ABAT: variants seen among roughly 807,000 people sequenced by gnomAD.
ABAT encodes the protein 4-aminobutyrate aminotransferase, mitochondrial.
Under a neutral mutation model 64.6 loss-of-function variants are expected in ABAT, and 45 were observed. That is an observed-to-expected ratio of 0.70 (90% CI 0.55 to 0.89). The LOEUF is 0.89. Among genes scored for constraint, ABAT ranks in the 40% least tolerant of loss-of-function variants. ABAT has a pLI of 0.00. For missense variants in ABAT, 633 were observed against 658.4 expected, an observed-to-expected ratio of 0.96 and a Z score of 0.42; for synonymous variants, 297 against 250.5, an observed-to-expected ratio of 1.19 and a Z score of -1.75.
At chr16:8,753,514 G>C (rs1000530669) in intron 5 of ABAT, among the ~76,000 whole-genome samples, 1 of 152,226 alleles carries the variant, frequency 6.6e-6, no homozygotes, top group East Asian at 1.9e-4. Context: ...AGAGGGACCA[G>C]CTCCGCTTTC....
chr16:8,674,771 T>G (rs1289521688), intron 1 of ABAT, 60 bp downstream of exon 1: 1 of 151,904 alleles, frequency 6.6e-6, no homozygotes, highest in Non-Finnish European at 1.5e-5. Context: ...CGAGAGGAGG[T>G]CCTTCTGCCC....
intron 1 of ABAT, among the ~76,000 whole-genome samples, chr16:8,733,615 C>T (rs931348906): frequency 6.6e-6 from 1 of 151,926 alleles, no homozygotes; most frequent in Non-Finnish European, 1.5e-5. Context: ...GGATCACTTG[C>T]GGTTAGGGGC....
At chr16:8,743,127 T>C (rs2059213939) in intron 2 of ABAT, among the ~76,000 whole-genome samples, 1 of 151,624 alleles carries the variant, frequency 6.6e-6, no homozygotes, top group African/African-American at 2.4e-5. Flanking sequence ...GCTGTTTTTC[T>C]TCATCCTTAT....
chr16:8,740,110 C>T (rs1207177426), intron 2 of ABAT, among the ~76,000 whole-genome samples: 1 of 152,022 alleles, frequency 6.6e-6, no homozygotes, highest in Non-Finnish European at 1.5e-5. Context: ...AAGGAAACTT[C>T]AAGTCAGGGA....
intron 6 of ABAT, among the ~76,000 whole-genome samples, chr16:8,758,276 G>C (rs976123563): frequency 6.6e-6 from 1 of 152,196 alleles, no homozygotes; most frequent in Admixed American, 6.5e-5. Flanking sequence ...GAGGCGCTGA[G>C]AATAAACCCA....
At chr16:8,709,476 C>T (rs1467644442) in intron 1 of ABAT, among the ~76,000 whole-genome samples, 2 of 152,068 alleles carry the variant, frequency 1.3e-5, no homozygotes, top group African/African-American at 4.8e-5. Flanking sequence ...TGGGTTCAAG[C>T]GATTCTCCTG....
rs1182195687 is a variant in ABAT, at chr16:8,783,320, A to C, written c.*1890A>C. The C allele has an allele frequency of 1.3e-5, 2 of 152,102 alleles. No homozygotes were observed. The highest frequency in any genetic ancestry group is 2.9e-5 in the Non-Finnish European group (2 of 68,034). 9.4% of individuals were successfully genotyped at this position (152,102 alleles called of 1,614,324 possible). ...CGGGGGCTCACATGCCACTGGAAAC[A>C]ACAGACTCTTAAACTAACAATTCAA... On this transcript the variant is annotated 3_prime_UTR_variant, in exon 16 of 16. Transcript: ENST00000268251.
chr16:8,719,846 C>G (rs1184363525), intron 1 of ABAT, among the ~76,000 whole-genome samples: 1 of 152,226 alleles, frequency 6.6e-6, no homozygotes, highest in Non-Finnish European at 1.5e-5. Context: ...GAGTTTCACT[C>G]TTGTCGCCAG....
intron 2 of ABAT, among the ~76,000 whole-genome samples, chr16:8,744,564 C>T (rs557943943): frequency 4.6e-5 from 7 of 152,044 alleles, no homozygotes; most frequent in South Asian, 2.1e-4. Context: ...GACGGGATTT[C>T]GCCATGTTGG....
At chr16:8,693,413 G>A (rs780235213) in intron 1 of ABAT, among the ~76,000 whole-genome samples, 2 of 152,122 alleles carry the variant, frequency 1.3e-5, no homozygotes, top group Non-Finnish European at 2.9e-5. Flanking sequence ...TATTAGTGGA[G>A]CCATGCATTT....
chr16:8,717,901 C>G (rs2058257789), intron 1 of ABAT, among the ~76,000 whole-genome samples: 1 of 151,974 alleles, frequency 6.6e-6, no homozygotes, highest in South Asian at 2.1e-4. Flanking sequence ...GCGATCCTCT[C>G]ACCTTGGCCT....
chr16:8,735,103 G>C (rs1332111423), intron 1 of ABAT, among the ~76,000 whole-genome samples: 1 of 150,740 alleles, frequency 6.6e-6, no homozygotes, highest in African/African-American at 2.5e-5. Flanking sequence ...CTACTCAGGA[G>C]GCTGAGGTTG....
intron 5 of ABAT, chr16:8,757,329 G>C: frequency 2.8e-6 from 1 of 359,822 alleles, no homozygotes; most frequent in South Asian, 2.2e-5. Flanking sequence ...TACCTCGCCC[G>C]GCTAATTTTT....
chr16:8,682,717 CTG>C (rs1432222808), intron 1 of ABAT, among the ~76,000 whole-genome samples: 2 of 152,210 alleles, frequency 1.3e-5, no homozygotes, highest in Non-Finnish European at 2.9e-5. Context: ...TGCCAGCACT[CTG>C]TCCCTGGGCT....
In ABAT at chr16:8,737,537, T is replaced by A. The variant is rs1179030271; in HGVS notation, c.70+1728T>A. On this transcript the variant is annotated intron_variant, in intron 2 of 15. Coordinates refer to ENST00000268251, the MANE Select transcript of ABAT (RefSeq NM_020686.6). ...TAAAAATTTTAGATTTACAGAGAAG[T>A]TACAAAGATATTACAGGGAGAACCC... 4.0e-5 allele frequency: 6 copies of A among 151,138 alleles called. No individual in the cohort carries two copies. The East Asian group carries it at 1.2e-3, about 30-fold the overall frequency. 9.4% of individuals were successfully genotyped at this position (151,138 alleles called of 1,614,324 possible).
chr16:8,726,803 C>G (rs1596425963), intron 1 of ABAT, among the ~76,000 whole-genome samples: 1 of 152,154 alleles, frequency 6.6e-6, no homozygotes, highest in African/African-American at 2.4e-5. Flanking sequence ...TTTACATTCC[C>G]ACTAACAATG....
At position 8,776,633 on chromosome 16, in the gene ABAT, G is replaced by T; in HGVS notation, c.1269+143G>T. 2.2e-6 allele frequency: 2 copies of T among 891,570 alleles called. No individual in the cohort carries two copies. The highest frequency in any genetic ancestry group is 1.5e-5 in the South Asian group (1 of 65,892). The allele number at this position is 891,570 out of a possible 1,614,324, so 55.2% of individuals were successfully genotyped here. ...GGCTGTGCTGCTCCTAGCCTTGGGGGCTTTGCACATGCTGTGTCCTCTGCA... is the reference window on the plus strand; with the variant it reads ...GGCTGTGCTGCTCCTAGCCTTGGGGTCTTTGCACATGCTGTGTCCTCTGCA... On this transcript the variant is annotated intron_variant, in intron 14 of 15. Coordinates refer to ENST00000268251, the MANE Select transcript of ABAT (RefSeq NM_020686.6). This position sits in a 1 kb window ranked among gnomAD's most constrained non-coding sequence, Gnocchi z 4.4.
chr16:8,677,011 C>T (rs749309776), intron 1 of ABAT, among the ~76,000 whole-genome samples: 4 of 152,148 alleles, frequency 2.6e-5, no homozygotes, highest in Non-Finnish European at 5.9e-5. Context: ...GGTTGTTGTG[C>T]CCCAACTTTG....
At chr16:8,759,678 C>G (rs1267094835) in intron 6 of ABAT, among the ~76,000 whole-genome samples, 2 of 152,030 alleles carry the variant, frequency 1.3e-5, no homozygotes, top group East Asian at 1.9e-4. Flanking sequence ...ATGCCCAGCT[C>G]ATTTTTGGTT....
Sources: gnomAD v4.1 joint callset for allele counts (sites outside exome capture counted in the v4.1 genomes callset) on GRCh38, gnomAD v4.1.1 for gene constraint, Gnocchi (gnomAD v3.1) non-coding constraint, MANE v1.5 for transcripts, NCBI Gene and HGNC (gene_info 2026-07-23, HGNC 2026-07-21) for gene names.